The following THSD7B variants were observed in gnomAD, a reference collection of about 807,000 sequenced individuals.
THSD7B encodes thrombospondin type-1 domain-containing protein 7B.
Under a neutral mutation model 213.6 loss-of-function variants are expected in THSD7B, and 138 were observed. The ratio of observed to expected loss-of-function variants is 0.65; its 90% CI spans 0.56 to 0.74. The LOEUF (loss-of-function observed/expected upper bound fraction) is 0.74. Among genes scored for constraint, THSD7B ranks in the 30% least tolerant of loss-of-function variants. THSD7B has a pLI of 0.00. For synonymous variants in THSD7B, 742 were observed against 687.0 expected, an observed-to-expected ratio of 1.08 and a Z score of -1.25; for missense variants, 1,931 against 1,991.5, an observed-to-expected ratio of 0.97 and a Z score of 0.58.
intron 15 of THSD7B, among the ~76,000 whole-genome samples, chr2:137,454,424 G>GTCTATCTATCTA (rs57128305): frequency 4.3e-5 from 6 of 140,142 alleles, no homozygotes; most frequent in Admixed American, 2.2e-4. Flanking sequence ...CTGTCTGTCT[G>GTCTATCTATCTA]TCTATCTATC....
At chr2:136,906,275 C>T (rs1573702651) in intron 2 of THSD7B, among the ~76,000 whole-genome samples, 1 of 152,038 alleles carries the variant, frequency 6.6e-6, no homozygotes, top group South Asian at 2.1e-4. Context: ...CTTTAAATAC[C>T]CAAAGCAAGT....
chr2:137,130,093 G>A (rs1688701627), intron 5 of THSD7B, among the ~76,000 whole-genome samples: 1 of 152,126 alleles, frequency 6.6e-6, no homozygotes, highest in East Asian at 1.9e-4. Flanking sequence ...AGAGGGGATT[G>A]CATTGGGAAG....
chr2:136,953,263 A>G (rs1158851400), intron 2 of THSD7B, among the ~76,000 whole-genome samples: 1 of 152,206 alleles, frequency 6.6e-6, no homozygotes, highest in African/African-American at 2.4e-5. Flanking sequence ...CAAATTTTGT[A>G]GGAAAGACAA....
At chr2:137,663,674 G>A (rs1268645080) in intron 26 of THSD7B, 99 bp downstream of exon 26, 2 of 1,115,190 alleles carry the variant, frequency 1.8e-6, no homozygotes, top group Non-Finnish European at 2.5e-6. Context: ...AGGAGGAAAA[G>A]AGGAGAGAAG....
chr2:136,859,867 C>T (rs781410168), intron 1 of THSD7B, among the ~76,000 whole-genome samples: 16 of 152,014 alleles, frequency 1.1e-4, no homozygotes, highest in Non-Finnish European at 2.1e-4. Flanking sequence ...ATGGAATGAG[C>T]GCAGGACTGA....
At chr2:137,079,739 C>T (rs1040773884) in intron 3 of THSD7B, among the ~76,000 whole-genome samples, 2 of 151,982 alleles carry the variant, frequency 1.3e-5, no homozygotes, top group South Asian at 4.2e-4. Context: ...TATCTTTGGC[C>T]TCTTCATAGT....
At chr2:137,142,889 C>T (rs1339868210) in intron 5 of THSD7B, among the ~76,000 whole-genome samples, 2 of 152,110 alleles carry the variant, frequency 1.3e-5, no homozygotes, top group Non-Finnish European at 2.9e-5. Flanking sequence ...AATATGCCTA[C>T]ACAGGCATAC....
chr2:136,992,225 A>T (rs1345329811), intron 2 of THSD7B, among the ~76,000 whole-genome samples: 3 of 152,260 alleles, frequency 2.0e-5, no homozygotes, highest in African/African-American at 7.2e-5. Flanking sequence ...GAAGTTACCA[A>T]GACCTTAATT....
intron 14 of THSD7B, among the ~76,000 whole-genome samples, chr2:137,448,953 CT>C (rs1189470739): frequency 6.6e-6 from 1 of 151,952 alleles, no homozygotes; most frequent in Non-Finnish European, 1.5e-5. Context: ...TGCTTAGAGT[CT>C]TTTATAAAGA....
chr2:137,305,249 C>T (rs563315452), intron 12 of THSD7B, among the ~76,000 whole-genome samples: 13 of 152,064 alleles, frequency 8.5e-5, no homozygotes, highest in Non-Finnish European at 1.3e-4. Flanking sequence ...TTGTACCAGT[C>T]GGGATCAAAA....
At chr2:136,963,419 A>G (rs924041641) in intron 2 of THSD7B, among the ~76,000 whole-genome samples, 1 of 152,136 alleles carries the variant, frequency 6.6e-6, no homozygotes, top group African/African-American at 2.4e-5. Context: ...GAGGGTGGGG[A>G]ATTCCTTGAG....
intron 17 of THSD7B, among the ~76,000 whole-genome samples, chr2:137,574,843 A>T (rs1177681050): frequency 2.0e-5 from 3 of 152,176 alleles, no homozygotes; most frequent in Non-Finnish European, 2.9e-5. Context: ...AAGGCAGCAA[A>T]CTAAATCATT....
chr2:137,372,406 C>G (rs1685553128), intron 12 of THSD7B, among the ~76,000 whole-genome samples: 1 of 139,992 alleles, frequency 7.1e-6, no homozygotes, highest in Non-Finnish European at 1.5e-5. Flanking sequence ...GCCCATGACA[C>G]AGCCTCAGGA....
At chr2:136,932,566 C>T (rs1451316720) in intron 2 of THSD7B, among the ~76,000 whole-genome samples, 2 of 152,058 alleles carry the variant, frequency 1.3e-5, no homozygotes, top group Admixed American at 1.3e-4. Context: ...ATACCATATT[C>T]TTACAATTAA....
chr2:137,411,948 A>G (rs1686665241), intron 14 of THSD7B, 76 bp downstream of exon 14: 1 of 1,507,250 alleles, frequency 6.6e-7, no homozygotes, highest in Non-Finnish European at 9.0e-7. Flanking sequence ...GTCTAGAATT[A>G]ATAGCTCTGC....
At chr2:137,078,687 A>G (rs1338898046) in intron 3 of THSD7B, among the ~76,000 whole-genome samples, 3 of 152,016 alleles carry the variant, frequency 2.0e-5, no homozygotes, top group South Asian at 2.1e-4. Flanking sequence ...AACTGTCTGA[A>G]TAAGAAATTT....
intron 2 of THSD7B, among the ~76,000 whole-genome samples, chr2:136,938,665 T>A (rs756623467): frequency 9.9e-5 from 15 of 152,212 alleles, no homozygotes; most frequent in Non-Finnish European, 1.5e-5. Context: ...AGACTTTGTA[T>A]TGAGGCACAT....
chr2:137,186,942 C>T (rs1162548440), intron 7 of THSD7B, among the ~76,000 whole-genome samples: 3 of 151,810 alleles, frequency 2.0e-5, no homozygotes, highest in Non-Finnish European at 2.9e-5. Context: ...AAGAAGTTTT[C>T]CTGGGTATTT....
intron 3 of THSD7B, among the ~76,000 whole-genome samples, chr2:137,091,308 G>A (rs1687944417): frequency 6.6e-6 from 1 of 152,124 alleles, no homozygotes; most frequent in African/African-American, 2.4e-5. Flanking sequence ...CACTACTTTA[G>A]CTGTATACAG....
Sources: allele counts gnomAD v4.1 joint callset (sites outside exome capture counted in the v4.1 genomes callset), GRCh38; gene constraint gnomAD v4.1.1; transcripts MANE v1.5; gene names NCBI Gene and HGNC (gene_info 2026-07-23, HGNC 2026-07-21).